CUX1: variants seen among roughly 807,000 people sequenced by gnomAD.
CUX1 encodes the protein cut like homeobox 1, also known as protein CASP.
Under a neutral mutation model 158.8 loss-of-function variants are expected in CUX1, and 31 were observed. The ratio of observed to expected loss-of-function variants is 0.20; its 90% CI spans 0.15 to 0.26. CUX1 has a LOEUF of 0.26. Among genes scored for constraint, CUX1 ranks in the 10% least tolerant of loss-of-function variants. The pLI is 1.00. For missense variants in CUX1, 1,589 were observed against 2,014.6 expected, an observed-to-expected ratio of 0.79 and a Z score of 4.04; for synonymous variants, 879 against 862.1, an observed-to-expected ratio of 1.02 and a Z score of -0.34.
At chr7:101,819,611 C>T (rs1352003022) in intron 1 of CUX1, among the ~76,000 whole-genome samples, 2 of 152,006 alleles carry the variant, frequency 1.3e-5, no homozygotes, top group Admixed American at 6.6e-5. Flanking sequence ...TTAAAATGTC[C>T]CATCTAGTAC....
chr7:102,019,888 C>A (rs1031845301), intron 2 of CUX1, among the ~76,000 whole-genome samples: 8 of 152,210 alleles, frequency 5.3e-5, no homozygotes, highest in African/African-American at 1.9e-4. Flanking sequence ...TATCCGACTA[C>A]AAAAGCAGCG....
chr7:102,123,906 C>T lies in CUX1; in HGVS notation c.674+8633C>T, dbSNP rs150131039. ...CTTGAACTCCTGAGCTCAAGTGATC[C>T]ACTCATCTCGGCCTCCCAAAGTATG... is the stretch of plus-strand genomic sequence containing the variant. On this transcript the variant is annotated intron_variant, in intron 8 of 23. Coordinates refer to ENST00000292535, the MANE Select transcript of CUX1 (RefSeq NM_181552.4). Among the ~76,000 whole-genome samples the T allele has an allele frequency of 1.8e-3, 270 of 152,148 alleles. 1 individual carries two copies. Among genetic ancestry groups the T allele is most frequent in the African/African-American group, 6.0e-3 (248 of 41,526 alleles).
intron 8 of CUX1, among the ~76,000 whole-genome samples, chr7:102,130,694 T>G (rs1245277924): frequency 6.6e-6 from 1 of 151,736 alleles, no homozygotes; most frequent in Non-Finnish European, 1.5e-5. Flanking sequence ...AAAAAAATTA[T>G]GTAGTGTTGA....
intron 14 of CUX1, among the ~76,000 whole-genome samples, chr7:102,268,046 G>C (rs1586504386): frequency 6.6e-6 from 1 of 152,052 alleles, no homozygotes; most frequent in African/African-American, 2.4e-5. Context: ...GTCTTTGTGG[G>C]TTCTCCCAGA....
intron 1 of CUX1, among the ~76,000 whole-genome samples, chr7:101,863,371 G>A (rs1797657050): frequency 6.9e-6 from 1 of 144,924 alleles, no homozygotes; most frequent in African/African-American, 2.6e-5. Flanking sequence ...TTTTTTTTGA[G>A]ATGGAGTCTC....
chr7:101,968,567 C>T (rs745717746), intron 2 of CUX1, among the ~76,000 whole-genome samples: 8 of 152,100 alleles, frequency 5.3e-5, no homozygotes, highest in African/African-American at 7.2e-5. Context: ...GGGTTACAGG[C>T]GCGTACCACC....
rs960500953 is a variant in CUX1, at chr7:102,025,464, C to T, written c.142-2634C>T. ...GCAACATAGTGAAATCCTGTCTCTA[C>T]GAAAAATACAAAAACTAGCCGGGTG... On this transcript the variant is annotated intron_variant, in intron 2 of 23. Coordinates refer to ENST00000292535, the MANE Select transcript of CUX1 (RefSeq NM_181552.4). 1.3e-4 allele frequency among the ~76,000 whole-genome samples: 19 copies of T among 151,560 alleles called. No homozygotes were observed. The East Asian group carries it at 3.0e-3, about 24-fold the overall frequency.
At chr7:101,954,008 A>C (rs1809445785) in intron 2 of CUX1, among the ~76,000 whole-genome samples, 1 of 152,158 alleles carries the variant, frequency 6.6e-6, no homozygotes, top group South Asian at 2.1e-4. Flanking sequence ...TAACACAGCA[A>C]GACCCCCATC....
At chr7:101,982,501 A>T (rs1813566990) in intron 2 of CUX1, among the ~76,000 whole-genome samples, 1 of 151,164 alleles carries the variant, frequency 6.6e-6, no homozygotes, top group Non-Finnish European at 1.5e-5. Flanking sequence ...ATCTTGGCTT[A>T]CTGCAACCTC....
At chr7:102,198,948 CTG>C in intron 16 of CUX1, 81 bp downstream of exon 16, 3 of 1,299,074 alleles carry the variant, frequency 2.3e-6, no homozygotes, top group Non-Finnish European at 3.4e-6. Context: ...TGGGTTAAAA[CTG>C]TGCAGTGTGA....
chr7:102,187,389 A>G (rs1323057181), intron 11 of CUX1, among the ~76,000 whole-genome samples: 3 of 152,150 alleles, frequency 2.0e-5, no homozygotes, highest in Admixed American at 6.5e-5. Flanking sequence ...AGAGTTGCCA[A>G]CATCTGAACT....
intron 2 of CUX1, among the ~76,000 whole-genome samples, chr7:101,984,176 TAG>T (rs1813968949): frequency 8.2e-6 from 1 of 121,290 alleles, no homozygotes; most frequent in African/African-American, 3.1e-5. Context: ...GTGTGTGTGT[TAG>T]GGGACAGATG....
At chr7:101,867,077 C>T (rs1370262902) in intron 1 of CUX1, among the ~76,000 whole-genome samples, 2 of 152,104 alleles carry the variant, frequency 1.3e-5, no homozygotes, top group Non-Finnish European at 2.9e-5. Context: ...AAAAACTAGC[C>T]GGGCGTGGTG....
intron 8 of CUX1, among the ~76,000 whole-genome samples, chr7:102,132,645 A>G (rs1346433663): frequency 7.1e-6 from 1 of 140,436 alleles, no homozygotes; most frequent in Non-Finnish European, 1.5e-5. Context: ...CACCACTCTC[A>G]CTACCGTCAT....
chr7:101,852,047 C>G (rs961987506), intron 1 of CUX1, among the ~76,000 whole-genome samples: 1 of 151,750 alleles, frequency 6.6e-6, no homozygotes, highest in Non-Finnish European at 1.5e-5. Flanking sequence ...CCGGACTGGC[C>G]TTGAACTCCT....
chr7:101,869,548 C>T lies in CUX1; in HGVS notation c.31-46567C>T, dbSNP rs1234947392. On this transcript the variant is annotated intron_variant, in intron 1 of 23. Coordinates refer to ENST00000292535, the MANE Select transcript of CUX1 (RefSeq NM_181552.4). This position sits in a 1 kb window ranked among gnomAD's most constrained non-coding sequence, Gnocchi z 4.5. ...GGGTGAGCACAGCATTTGCGGGGCGCGGGAAGGGAGTGGCTGGTGGGGCGG... is the reference window on the plus strand; with the variant it reads ...GGGTGAGCACAGCATTTGCGGGGCGTGGGAAGGGAGTGGCTGGTGGGGCGG... Among the ~76,000 whole-genome samples, 3 of 129,478 alleles carry T rather than the reference C, an allele frequency of 2.3e-5. No homozygotes were observed. The highest frequency in any genetic ancestry group is 7.8e-5 in the Admixed American group (1 of 12,772). The allele number at this position is 129,478 out of a possible 152,430, so 84.9% of individuals were successfully genotyped here.
chr7:102,108,621 G>A (rs782157792), intron 6 of CUX1, among the ~76,000 whole-genome samples: 23 of 152,132 alleles, frequency 1.5e-4, no homozygotes, highest in Non-Finnish European at 2.8e-4. Flanking sequence ...ACAGACATAA[G>A]TCACTGTGCC....
At chr7:102,080,449 C>T (rs182580701) in intron 4 of CUX1, among the ~76,000 whole-genome samples, 2 of 152,226 alleles carry the variant, frequency 1.3e-5, no homozygotes, top group Admixed American at 1.3e-4. Context: ...GCCTAGAGTG[C>T]CCTGGCGAAA....
intron 4 of CUX1, among the ~76,000 whole-genome samples, chr7:102,072,320 A>T (rs2130611518): frequency 6.6e-6 from 1 of 152,330 alleles, no homozygotes; most frequent in East Asian, 1.9e-4. Flanking sequence ...CAGTCTGATC[A>T]GTTGCAGAAA....
Sources: allele counts gnomAD v4.1 joint callset (sites outside exome capture counted in the v4.1 genomes callset), GRCh38; gene constraint gnomAD v4.1.1; non-coding constraint Gnocchi (gnomAD v3.1); transcripts MANE v1.5; gene names NCBI Gene and HGNC (gene_info 2026-07-23, HGNC 2026-07-21).